The following CLGN variants were observed in gnomAD, a reference collection of about 807,000 sequenced individuals.
CLGN encodes the protein calmegin.
Under a neutral mutation model 79.1 loss-of-function variants are expected in CLGN, and 62 were observed. That is an observed-to-expected ratio of 0.78 (90% CI 0.64 to 0.97). The LOEUF (loss-of-function observed/expected upper bound fraction) is 0.97. Among genes scored for constraint, CLGN ranks in the 50% least tolerant of loss-of-function variants. The probability of loss-of-function intolerance (pLI) is 0.00; values close to 1 mark genes in which losing one functional copy is unlikely to be tolerated. For synonymous variants in CLGN, 225 were observed against 224.7 expected, an observed-to-expected ratio of 1.00 and a Z score of -0.01; for missense variants, 647 against 715.5, an observed-to-expected ratio of 0.90 and a Z score of 1.09.
At chr4:140,401,944 T>A (rs758523475) in intron 6 of CLGN, 41 bp downstream of exon 6, 1 of 1,080,322 alleles carries the variant, frequency 9.3e-7, no homozygotes, top group South Asian at 1.5e-5. Flanking sequence ...AAAATACTTA[T>A]TAACTTTAAT....
In CLGN at chr4:140,410,642, T is replaced by C. The variant is rs777349342; in HGVS notation, c.145-16A>G. The C allele has an allele frequency of 2.2e-5, 32 of 1,442,336 alleles. No homozygotes were observed. Among genetic ancestry groups the C allele is most frequent in the African/African-American group, 2.1e-4 (15 of 70,882 alleles). 89.3% of individuals were successfully genotyped at this position (1,442,336 alleles called of 1,614,324 possible). A position where few individuals can be genotyped will look rare whatever the true frequency, so the allele number is the denominator to read the frequency against. On this transcript the variant is annotated splice_polypyrimidine_tract_variant and intron_variant, in intron 2 of 14. Transcript: ENST00000325617. ...TATATTTAATCTAGAAAAGAGATTT[T>C]CCAAGTCTAAAGTTATTCATTTTCA...
chr4:140,393,792 G>T (rs374700061), intron 11 of CLGN, 34 bp downstream of exon 11: 9 of 1,572,644 alleles, frequency 5.7e-6, no homozygotes, highest in Non-Finnish European at 7.9e-6. Flanking sequence ...ATTATTCATA[G>T]TTATATCACT....
At chr4:140,406,187 T>C in intron 4 of CLGN, 104 bp from the exon 5 acceptor site, 1 of 1,125,518 alleles carries the variant, frequency 8.9e-7, no homozygotes, top group Non-Finnish European at 1.3e-6. Flanking sequence ...AAGCCTGACT[T>C]GGGAAAAATA....
intron 1 of CLGN, among the ~76,000 whole-genome samples, chr4:140,421,854 A>G (rs1240126817): frequency 6.6e-6 from 1 of 152,060 alleles, no homozygotes; most frequent in Non-Finnish European, 1.5e-5. Context: ...TCATATAAAA[A>G]TTACTGGCAA....
intron 1 of CLGN, among the ~76,000 whole-genome samples, chr4:140,424,448 T>C (rs1320805206): frequency 6.6e-6 from 1 of 152,192 alleles, no homozygotes; most frequent in Non-Finnish European, 1.5e-5. Flanking sequence ...CTGGAGAATG[T>C]TCTATGTGCA....
chr4:140,396,139 A>G lies in CLGN; in HGVS notation c.951T>C (p.Asp317=), dbSNP rs1238390456. ...SVVKPAGWLD[D]EPKFIPDPNA... ...TAGGATCAGGGATAAATTTTGGTTC[A>G]TCATCAAGCCAGCCAGCAGGTTTAA... The change falls in exon 9 of 15, where the codon GAT becomes GAC. Residue 317 remains aspartate (D), a synonymous_variant. Transcript: ENST00000325617. 1.4e-5 allele frequency: 22 copies of G among 1,614,086 alleles called. 1 individual carries two copies. The highest frequency in any genetic ancestry group is 1.6e-5 in the Non-Finnish European group (19 of 1,180,038).
At chr4:140,420,715 A>G (rs1729454380) in intron 1 of CLGN, among the ~76,000 whole-genome samples, 3 of 152,148 alleles carry the variant, frequency 2.0e-5, no homozygotes, top group Non-Finnish European at 1.5e-5. Context: ...TTAAGTTCCA[A>G]ACAAAACTAT....
intron 1 of CLGN, among the ~76,000 whole-genome samples, chr4:140,421,129 A>G (rs1258418625): frequency 2.0e-5 from 3 of 152,180 alleles, no homozygotes; most frequent in East Asian, 3.9e-4. Flanking sequence ...GCATGTATCA[A>G]ATTTCCTTCC....
rs1697847921 is a variant in CLGN, at chr4:140,388,826, A to G, written c.*398T>C. ...GCTCTTCACAACAGAACATATGCTC[A>G]TTTTTATTATAGAACTACCAGTTAT... On this transcript the variant is annotated 3_prime_UTR_variant, in exon 15 of 15. Transcript: ENST00000325617. 1.2e-5 allele frequency: 2 copies of G among 163,156 alleles called. No homozygotes were observed. Among genetic ancestry groups the G allele is most frequent in the African/African-American group, 4.8e-5 (2 of 41,694 alleles). The allele number at this position is 163,156 out of a possible 1,614,324, so 10.1% of individuals were successfully genotyped here.
chr4:140,390,827 GATTT>G, intron 13 of CLGN, 99 bp from the exon 14 acceptor site: 1 of 653,236 alleles, frequency 1.5e-6, no homozygotes, highest in Middle Eastern at 3.4e-4. Flanking sequence ...TAAATTCCAA[GATTT>G]ATTCCAAGAT....
At chr4:140,415,587 A>G (rs1729312095) in intron 1 of CLGN, among the ~76,000 whole-genome samples, 1 of 151,020 alleles carries the variant, frequency 6.6e-6, no homozygotes, top group Non-Finnish European at 1.5e-5. Flanking sequence ...ACCAACAAAG[A>G]TCAAAAGAGA....
intron 5 of CLGN, among the ~76,000 whole-genome samples, chr4:140,402,776 A>C (rs2126622004): frequency 6.6e-6 from 1 of 152,248 alleles, no homozygotes; most frequent in African/African-American, 2.4e-5. Context: ...TGAGGCATAG[A>C]CTTACGAGAT....
intron 1 of CLGN, among the ~76,000 whole-genome samples, chr4:140,422,166 G>A (rs1205669964): frequency 2.0e-5 from 3 of 152,182 alleles, no homozygotes; most frequent in African/African-American, 7.2e-5. Flanking sequence ...GTCTCACACT[G>A]ATTTGATTAC....
intron 6 of CLGN, among the ~76,000 whole-genome samples, chr4:140,401,210 GAATT>G (rs1728992730): frequency 6.6e-6 from 1 of 152,108 alleles, no homozygotes; most frequent in South Asian, 2.1e-4. Flanking sequence ...AGGATTAAGT[GAATT>G]AATCAGATAA....
At position 140,398,760 on chromosome 4, in the gene CLGN, A is replaced by T. The variant is rs1578595687; in HGVS notation, c.884+91T>A. ...AATAAGTAGTTCTGATGTTTAAAAA[A>T]ATAAACTTCATGGGTTGTAAACTTC... is the stretch of plus-strand genomic sequence containing the variant. On this transcript the variant is annotated intron_variant, in intron 8 of 14. Coordinates refer to ENST00000325617, the MANE Select transcript of CLGN (RefSeq NM_004362.3). The T allele has an allele frequency of 3.5e-6, 4 of 1,148,386 alleles. 1 individual carries two copies. In the East Asian group the frequency reaches 9.7e-5, roughly 28 times the overall value. The allele number at this position is 1,148,386 out of a possible 1,614,324, so 71.1% of individuals were successfully genotyped here.
At chr4:140,391,954 C>T (rs185338455) in intron 13 of CLGN, among the ~76,000 whole-genome samples, 7 of 151,938 alleles carry the variant, frequency 4.6e-5, no homozygotes, top group Non-Finnish European at 7.4e-5. Flanking sequence ...TTGCAAAAAG[C>T]TATGGCCTAT....
intron 13 of CLGN, among the ~76,000 whole-genome samples, chr4:140,391,486 C>T (rs1560737627): frequency 6.6e-6 from 1 of 151,644 alleles, no homozygotes; most frequent in South Asian, 2.1e-4. Context: ...CACACATGAA[C>T]ATGTGTATGT....
At chr4:140,405,831 G>T in intron 5 of CLGN, 111 bp downstream of exon 5, 1 of 1,112,282 alleles carries the variant, frequency 9.0e-7, no homozygotes, top group Non-Finnish European at 1.3e-6. Context: ...TAAGTGAAAC[G>T]AAAAAGGAAG....
intron 6 of CLGN, among the ~76,000 whole-genome samples, chr4:140,401,762 C>G (rs1729004688): frequency 6.6e-6 from 1 of 151,992 alleles, no homozygotes; most frequent in Admixed American, 6.6e-5. Context: ...ACATGGTAAA[C>G]TTTTTCATGT....
Sources: allele counts gnomAD v4.1 joint callset (sites outside exome capture counted in the v4.1 genomes callset), GRCh38; gene constraint gnomAD v4.1.1; transcripts MANE v1.5; gene names NCBI Gene and HGNC (gene_info 2026-07-23, HGNC 2026-07-21).